The following FNDC3A variants were observed in gnomAD, a reference collection of about 807,000 sequenced individuals.
The protein encoded by FNDC3A is fibronectin type III domain containing 3A.
Under a neutral mutation model 148.9 loss-of-function variants are expected in FNDC3A, and 32 were observed. That is an observed-to-expected ratio of 0.21 (90% confidence interval 0.16 to 0.29). FNDC3A has a LOEUF of 0.29. Among genes scored for constraint, FNDC3A ranks in the 10% least tolerant of loss-of-function variants. The pLI is 1.00. For missense variants in FNDC3A, 1,191 were observed against 1,452.8 expected (o/e 0.82, Z 2.93); for synonymous variants, 472 against 473.6 (o/e 1.00, Z 0.04).
chr13:48,981,289 A>G (rs1159756041), intron 1 of FNDC3A, among the ~76,000 whole-genome samples: 1 of 152,090 alleles, frequency 6.6e-6, no homozygotes, highest in Non-Finnish European at 1.5e-5. Context: ...TTCACCACTT[A>G]TTACCTATAT....
chr13:49,041,949 A>G, intron 2 of FNDC3A, among the ~76,000 whole-genome samples: 1 of 152,206 alleles, frequency 6.6e-6, no homozygotes, highest in South Asian at 2.1e-4. Context: ...ACCACTCAAT[A>G]TAAAACCAAA....
intron 3 of FNDC3A, among the ~76,000 whole-genome samples, chr13:49,081,900 T>G (rs1490863569): frequency 6.6e-6 from 1 of 152,186 alleles, no homozygotes; most frequent in Admixed American, 6.5e-5. Context: ...GTCTGCAACT[T>G]TGTCTCACGT....
intron 2 of FNDC3A, among the ~76,000 whole-genome samples, chr13:49,058,122 G>A (rs945478482): frequency 3.9e-5 from 6 of 152,066 alleles, no homozygotes; most frequent in African/African-American, 7.3e-5. Flanking sequence ...GGCTTTATTC[G>A]GCTGGGAGCT....
chr13:48,981,247 G>A (rs1699198289), intron 1 of FNDC3A, among the ~76,000 whole-genome samples: 1 of 152,020 alleles, frequency 6.6e-6, no homozygotes, highest in African/African-American at 2.4e-5. Context: ...TACCTTGGAT[G>A]GTGACTCAAA....
In FNDC3A at chr13:49,019,601, TC is replaced by T. The variant is rs1207412873; in HGVS notation, c.99+13314del. 3.3e-5 allele frequency among the ~76,000 whole-genome samples: 5 copies of T among 152,346 alleles called. No homozygotes were observed. In the East Asian group the frequency reaches 9.6e-4, roughly 29 times the overall value. The stretch of plus-strand genomic sequence containing the variant: ...TCTGGGAGCTGTAGACCGGAGCTGT[TC>T]CTATTCGGCCATCTTGGCTCCTCCC... On this transcript the variant is annotated intron_variant, in intron 2 of 25. Coordinates refer to ENST00000492622, the MANE Select transcript of FNDC3A (RefSeq NM_001079673.2).
intron 2 of FNDC3A, among the ~76,000 whole-genome samples, chr13:49,035,894 T>C (rs1184078999): frequency 1.3e-5 from 2 of 152,120 alleles, no homozygotes; most frequent in African/African-American, 4.8e-5. Flanking sequence ...CAAATTCAAA[T>C]TCGTTAGTTT....
intron 2 of FNDC3A, among the ~76,000 whole-genome samples, chr13:49,006,810 AAT>A (rs760678122): frequency 1.7e-3 from 256 of 152,170 alleles, no homozygotes; most frequent in Non-Finnish European, 3.4e-3. Flanking sequence ...AAGGGATAGG[AAT>A]AATAAGCTTT....
At chr13:49,147,120 T>C (rs1419471404) in intron 8 of FNDC3A, among the ~76,000 whole-genome samples, 2 of 152,230 alleles carry the variant, frequency 1.3e-5, no homozygotes, top group Non-Finnish European at 1.5e-5. Flanking sequence ...TTGTGTTCTA[T>C]TCATTTTTCT....
intron 4 of FNDC3A, among the ~76,000 whole-genome samples, chr13:49,119,087 A>G (rs1409345788): frequency 6.6e-6 from 1 of 152,184 alleles, no homozygotes; most frequent in Non-Finnish European, 1.5e-5. Context: ...GGGTCGACAG[A>G]CACCTCATAC....
Position 49,075,475 on chromosome 13 carries a change from C to G in FNDC3A, c.175+111C>G, listed in dbSNP as rs537827261. On this transcript the variant is annotated intron_variant, in intron 3 of 25. Transcript: ENST00000492622. ...TCTTCCTTCTTTCTCACTACCAGCA[C>G]ACAAAAGCATAAACTCTGATATCTT... 96 of 624,632 alleles carry G rather than the reference C, an allele frequency of 1.5e-4. No homozygotes were observed. The East Asian group carries it at 2.7e-3, about 18-fold the overall frequency. The allele number at this position is 624,632 out of a possible 1,614,324, so 38.7% of individuals were successfully genotyped here.
intron 2 of FNDC3A, among the ~76,000 whole-genome samples, chr13:49,036,689 T>C (rs961656440): frequency 6.6e-6 from 1 of 152,286 alleles, no homozygotes; most frequent in East Asian, 1.9e-4. Flanking sequence ...AACAACTAAA[T>C]ACAATTTAGT....
At chr13:49,158,072 T>C (rs1329023632) in intron 8 of FNDC3A, among the ~76,000 whole-genome samples, 1 of 152,152 alleles carries the variant, frequency 6.6e-6, no homozygotes, top group Non-Finnish European at 1.5e-5. Flanking sequence ...CCCGGCTGCT[T>C]TGTTTACCTA....
intron 2 of FNDC3A, among the ~76,000 whole-genome samples, chr13:49,036,507 G>A (rs1464293611): frequency 1.3e-5 from 2 of 152,124 alleles, no homozygotes; most frequent in Admixed American, 1.3e-4. Flanking sequence ...GGAGATGGAT[G>A]GTAGTTAATT....
At chr13:49,152,832 C>T (rs373200675) in intron 8 of FNDC3A, among the ~76,000 whole-genome samples, 2 of 151,142 alleles carry the variant, frequency 1.3e-5, no homozygotes, top group Non-Finnish European at 2.9e-5. Flanking sequence ...TCCATGTCCC[C>T]ACAAAGGACA....
intron 12 of FNDC3A, 62 bp downstream of exon 12, chr13:49,174,621 A>C (rs1298593907): frequency 7.1e-7 from 1 of 1,411,840 alleles, no homozygotes; most frequent in African/African-American, 1.4e-5. Context: ...CGTCAATTGT[A>C]TAATTATTTA....
chr13:49,187,581 T>G (rs1002216001), intron 16 of FNDC3A: 66 of 1,610,940 alleles, frequency 4.1e-5, no homozygotes, highest in Non-Finnish European at 5.1e-5. Context: ...TGTTTTCCAC[T>G]GAAAATGGCA....
chr13:49,197,771 G>T lies in FNDC3A; in HGVS notation c.2387G>T (p.Trp796Leu), dbSNP rs1319020455. The change falls in exon 21 of 26, where the codon TGG (tryptophan) becomes TTG (leucine). Residue 796 changes from tryptophan to leucine, a missense_variant. This residue lies in a region of FNDC3A where 751 missense variants were observed against 944.0 expected (regional missense o/e 0.80). Transcript: ENST00000492622. ...GTDVTEYRLEWGGVEGSMQIC... is the reference protein window; with the variant it reads ...GTDVTEYRLELGGVEGSMQIC... ...GATGTCACTGAATATCGACTGGAGT[G>T]GGGAGGAGTTGAAGGAAGTATGCAG... The T allele has an allele frequency of 6.2e-7, 1 of 1,610,902 alleles. No individual in the cohort carries two copies. Among genetic ancestry groups the T allele is most frequent in the Admixed American group, 1.7e-5 (1 of 58,928 alleles).
At chr13:49,031,625 A>T (rs1874125506) in intron 2 of FNDC3A, among the ~76,000 whole-genome samples, 1 of 152,154 alleles carries the variant, frequency 6.6e-6, no homozygotes, top group African/African-American at 2.4e-5. Context: ...CCATCTACAA[A>T]ACTAACTCAA....
intron 2 of FNDC3A, among the ~76,000 whole-genome samples, chr13:49,037,645 T>C (rs999564673): frequency 2.0e-5 from 3 of 152,240 alleles, no homozygotes; most frequent in African/African-American, 7.2e-5. Flanking sequence ...AGAATGTAAC[T>C]GTATTTGGAG....
Sources: allele counts gnomAD v4.1 joint callset (sites outside exome capture counted in the v4.1 genomes callset), GRCh38; gene constraint gnomAD v4.1.1; regional missense constraint gnomAD v4.1.1; transcripts MANE v1.5; gene names NCBI Gene and HGNC (gene_info 2026-07-23, HGNC 2026-07-21).